Variants in MYO6 observed in about 807,000 individuals in gnomAD.
MYO6 encodes the protein unconventional myosin-VI.
MYO6 carries 74 observed loss-of-function variants against 178.7 expected under a neutral mutation model. The ratio of observed to expected loss-of-function variants is 0.41; its 90% CI spans 0.34 to 0.50. The LOEUF (loss-of-function observed/expected upper bound fraction) is 0.50, where lower values mean the gene tolerates loss of function less well. Among genes scored for constraint, MYO6 ranks in the 20% least tolerant of loss-of-function variants. The pLI, the probability that MYO6 is intolerant of heterozygous loss-of-function variation, is 0.09. For missense variants in MYO6, 1,330 were observed against 1,547.4 expected (o/e 0.86, Z 2.36); for synonymous variants, 477 against 504.6 (o/e 0.95, Z 0.73).
intron 16 of MYO6, among the ~76,000 whole-genome samples, chr6:75,864,832 G>A (rs1776513019): frequency 6.6e-6 from 1 of 152,156 alleles, no homozygotes; most frequent in African/African-American, 2.4e-5. Context: ...ACTTAGATGT[G>A]GCAGGCACTA....
intron 1 of MYO6, among the ~76,000 whole-genome samples, chr6:75,756,388 A>C (rs867440946): frequency 5.3e-5 from 8 of 151,956 alleles, no homozygotes; most frequent in Non-Finnish European, 1.2e-4. Context: ...GCTGGAGTGC[A>C]GTGGTGCAAT....
chr6:75,912,861 G>A (rs1288307720), intron 33 of MYO6, among the ~76,000 whole-genome samples: 5 of 152,172 alleles, frequency 3.3e-5, no homozygotes, highest in Admixed American at 6.5e-5. Flanking sequence ...ACAAAACCGG[G>A]CCTCTCGTTC....
chr6:75,854,822 A>G (rs1019185584), intron 11 of MYO6, among the ~76,000 whole-genome samples: 1 of 152,154 alleles, frequency 6.6e-6, no homozygotes, highest in African/African-American at 2.4e-5. Context: ...TTCTCTAAAG[A>G]GTTAATATAT....
At chr6:75,788,771 T>A (rs551047796) in intron 1 of MYO6, among the ~76,000 whole-genome samples, 1 of 152,086 alleles carries the variant, frequency 6.6e-6, no homozygotes, top group Non-Finnish European at 1.5e-5. Flanking sequence ...CCATTTGAGC[T>A]AAAGCGTAGA....
At position 75,908,547 on chromosome 6, in the gene MYO6, T is replaced by C. The variant is rs144816202; in HGVS notation, c.3332T>C (p.Val1111Ala). ...CREEFHRRLK[V>A]YHAWKSKNKK... Reference sequence around the variant, plus strand: ...GAAGAATTTCATAGGAGACTAAAAGTGTATCATGCTTGGAAATCTAAGAAC... The same window carrying C: ...GAAGAATTTCATAGGAGACTAAAAGCGTATCATGCTTGGAAATCTAAGAAC... The change falls in exon 32 of 35, where the codon GTG becomes GCG. Residue 1111 changes from valine to alanine, a missense_variant. Val to Ala is a moderately conservative substitution (Grantham distance 64). This residue lies in a region of MYO6 where 601 missense variants were observed against 626.1 expected (regional missense o/e 0.96). Coordinates refer to ENST00000369977, the MANE Select transcript of MYO6 (RefSeq NM_004999.4). 16 of 1,613,564 alleles carry C rather than the reference T, an allele frequency of 9.9e-6. No homozygotes were observed. Among genetic ancestry groups the C allele is most frequent in the Non-Finnish European group, 1.4e-5 (16 of 1,179,716 alleles).
intron 1 of MYO6, among the ~76,000 whole-genome samples, chr6:75,814,763 A>G (rs1771046701): frequency 6.6e-6 from 1 of 151,960 alleles, no homozygotes; most frequent in Non-Finnish European, 1.5e-5. Context: ...GGAGGCTGAA[A>G]TAGGAGAATG....
Position 75,916,655 on chromosome 6 carries a change from G to C in MYO6, c.*1643G>C, listed in dbSNP as rs1203509622. On this transcript the variant is annotated 3_prime_UTR_variant, in exon 35 of 35. Coordinates refer to ENST00000369977, the MANE Select transcript of MYO6 (RefSeq NM_004999.4). ...GGTGTTTTTATTTGTGTAGGATAGT[G>C]AATGATAAGCTTTTTTCCTAACCAG... is the stretch of plus-strand genomic sequence containing the variant. 1.3e-5 allele frequency: 2 copies of C among 152,522 alleles called. No homozygotes were observed. The highest frequency in any genetic ancestry group is 2.9e-5 in the Non-Finnish European group (2 of 68,028). The allele number at this position is 152,522 out of a possible 1,614,324, so 9.4% of individuals were successfully genotyped here. A position where few individuals can be genotyped will look rare whatever the true frequency, so the allele number is the denominator to read the frequency against.
chr6:75,895,311 G>A (rs1166819390), intron 29 of MYO6, 51 bp downstream of exon 29: 3 of 1,420,348 alleles, frequency 2.1e-6, no homozygotes, highest in Non-Finnish European at 3.0e-6. Flanking sequence ...ATACTTTTTG[G>A]GAGTAGTTTT....
At chr6:75,841,459 C>T (rs1045447324) in intron 9 of MYO6, 81 bp downstream of exon 9, 5 of 1,364,396 alleles carry the variant, frequency 3.7e-6, no homozygotes, top group African/African-American at 2.9e-5. Context: ...GAGGCTGAGG[C>T]GGATGGATTG....
intron 1 of MYO6, among the ~76,000 whole-genome samples, chr6:75,765,100 C>A (rs568120111): frequency 4.5e-4 from 68 of 150,576 alleles, no homozygotes; most frequent in Non-Finnish European, 8.4e-4. Context: ...GTTCATTTTT[C>A]CTGTCAATAT....
chr6:75,807,421 C>G (rs1770212130), intron 1 of MYO6, among the ~76,000 whole-genome samples: 2 of 152,078 alleles, frequency 1.3e-5, no homozygotes, highest in Non-Finnish European at 2.9e-5. Flanking sequence ...TATTTCAAAG[C>G]CTTCTTCCTC....
intron 20 of MYO6, among the ~76,000 whole-genome samples, chr6:75,879,249 G>A (rs1345319043): frequency 6.6e-6 from 1 of 151,902 alleles, no homozygotes; most frequent in East Asian, 1.9e-4. Context: ...CCTTAGTTTT[G>A]TTTTGTTTTG....
intron 32 of MYO6, among the ~76,000 whole-genome samples, chr6:75,910,797 T>C (rs765677737): frequency 1.5e-4 from 23 of 152,146 alleles, no homozygotes; most frequent in Non-Finnish European, 3.1e-4. Context: ...AGAAGCTCAA[T>C]TGAGAAAATT....
Position 75,840,582 on chromosome 6 carries a change from TA to T in MYO6, c.554-2del, listed in dbSNP as rs1366680389. The T allele has an allele frequency of 6.2e-7, 1 of 1,610,960 alleles. No homozygotes were observed. Among genetic ancestry groups the T allele is most frequent in the African/African-American group, 1.3e-5 (1 of 74,876 alleles). ...TTTGATGGATTTTTTTGTTTCTCAA[TA>T]GCTAACCCACTCCTAGAAGCCTTTG... On this transcript the variant is annotated splice_acceptor_variant, in intron 7 of 34. Transcript: ENST00000369977. LOFTEE classifies it high-confidence loss of function.
chr6:75,753,927 C>T (rs773491363), intron 1 of MYO6, among the ~76,000 whole-genome samples: 6 of 152,138 alleles, frequency 3.9e-5, no homozygotes, highest in African/African-American at 7.2e-5. Context: ...GTAAGAATGA[C>T]ATAATGGTTT....
chr6:75,815,352 T>C (rs1343741274), intron 1 of MYO6, among the ~76,000 whole-genome samples: 1 of 152,152 alleles, frequency 6.6e-6, no homozygotes, highest in Non-Finnish European at 1.5e-5. Flanking sequence ...ACCATGGCAA[T>C]AATAACATAA....
intron 1 of MYO6, among the ~76,000 whole-genome samples, chr6:75,782,261 A>G: frequency 6.6e-6 from 1 of 152,176 alleles, no homozygotes. Flanking sequence ...GTGTCAGTTT[A>G]AAATAGTTTT....
chr6:75,831,388 A>G (rs776412041), intron 5 of MYO6, among the ~76,000 whole-genome samples: 3 of 152,224 alleles, frequency 2.0e-5, no homozygotes, highest in Admixed American at 1.3e-4. Context: ...TATGGCTGAC[A>G]TAATTACTCT....
At chr6:75,849,432 C>G (rs1426407213) in intron 11 of MYO6, among the ~76,000 whole-genome samples, 2 of 152,058 alleles carry the variant, frequency 1.3e-5, no homozygotes, top group African/African-American at 4.8e-5. Flanking sequence ...GTGTTAGATC[C>G]CAGAGGCTCT....
Sources: gnomAD v4.1 joint callset for allele counts (sites outside exome capture counted in the v4.1 genomes callset) on GRCh38, gnomAD v4.1.1 for gene constraint, gnomAD v4.1.1 regional missense constraint, MANE v1.5 for transcripts, NCBI Gene and HGNC (gene_info 2026-07-23, HGNC 2026-07-21) for gene names.